Variants in SPAG17 observed in about 807,000 individuals in gnomAD.
SPAG17 encodes sperm associated antigen 17.
A neutral mutation model predicts 273.6 loss-of-function variants in SPAG17; 169 were observed. The ratio of observed to expected loss-of-function variants is 0.62; its 90% CI spans 0.55 to 0.70. The LOEUF is 0.70. SPAG17 is among the 30% of genes least tolerant of loss of function. The probability of loss-of-function intolerance (pLI) is 0.00; values close to 1 mark genes in which losing one functional copy is unlikely to be tolerated. For synonymous variants in SPAG17, 825 were observed against 873.2 expected (o/e 0.94, Z 0.97); for missense variants, 2,557 against 2,627.8 (o/e 0.97, Z 0.59).
At chr1:118,160,054 A>G (rs1354356466) in intron 1 of SPAG17, among the ~76,000 whole-genome samples, 4 of 152,196 alleles carry the variant, frequency 2.6e-5, no homozygotes, top group Non-Finnish European at 5.9e-5. Flanking sequence ...CATATCAGAG[A>G]CATTCTTCTA....
At chr1:117,988,407 C>G (rs1656681486) in intron 38 of SPAG17, among the ~76,000 whole-genome samples, 1 of 152,158 alleles carries the variant, frequency 6.6e-6, no homozygotes, top group African/African-American at 2.4e-5. Flanking sequence ...AAACACACAA[C>G]TTATAGTCAA....
chr1:118,086,809 T>C lies in SPAG17; in HGVS notation c.1498-25A>G, dbSNP rs780922782. ...TCTATGCAAATTGAAACAATATTGA[T>C]TTAAAGAGAGGATCTATACTTTTCC... is the stretch of plus-strand genomic sequence containing the variant. On this transcript the variant is annotated intron_variant, in intron 11 of 48. Transcript: ENST00000336338. 1.5e-5 allele frequency: 25 copies of C among 1,613,936 alleles called. No homozygotes were observed. The East Asian group carries it at 4.9e-4, about 32-fold the overall frequency.
At chr1:117,985,513 T>A (rs1165077556) in intron 40 of SPAG17, among the ~76,000 whole-genome samples, 1 of 152,196 alleles carries the variant, frequency 6.6e-6, no homozygotes, top group Non-Finnish European at 1.5e-5. Context: ...AATGATGTAC[T>A]AAGAATGATG....
At chr1:118,049,964 C>A (rs112632241) in intron 20 of SPAG17, among the ~76,000 whole-genome samples, 2 of 152,220 alleles carry the variant, frequency 1.3e-5, no homozygotes, top group East Asian at 3.9e-4. Flanking sequence ...AGCTTCCCAG[C>A]GAGACCTCAG....
At position 118,125,230 on chromosome 1, in the gene SPAG17, C is replaced by CATATATATAT. The variant is rs564502550; in HGVS notation, c.316-9799_316-9790dup. Among the ~76,000 whole-genome samples, 59 of 141,316 alleles carry CATATATATAT rather than the reference C, an allele frequency of 4.2e-4. 1 individual carries two copies. The highest frequency in any genetic ancestry group is 1.6e-3 in the African/African-American group (54 of 33,694). The allele number at this position is 141,316 out of a possible 152,430, so 92.7% of individuals were successfully genotyped here. On this transcript the variant is annotated intron_variant, in intron 3 of 48. Transcript: ENST00000336338. ...AATTTGTATTATTTTTTATTGTATTCATATATATATATATATTTTTGACAT... is the reference window on the plus strand; with the variant it reads ...AATTTGTATTATTTTTTATTGTATTCATATATATATATATATATATATATATTTTTGACAT...
intron 30 of SPAG17, among the ~76,000 whole-genome samples, chr1:118,008,464 A>G (rs1159109584): frequency 6.6e-6 from 1 of 152,210 alleles, no homozygotes; most frequent in Non-Finnish European, 1.5e-5. Flanking sequence ...GGAGTTGAGA[A>G]CATCTGATTT....
chr1:118,154,345 G>A (rs1659540301), intron 1 of SPAG17, among the ~76,000 whole-genome samples: 1 of 152,190 alleles, frequency 6.6e-6, no homozygotes, highest in South Asian at 2.1e-4. Flanking sequence ...AAACATGACA[G>A]GGACCAGTCA....
chr1:117,999,636 T>C (rs1055773737), intron 32 of SPAG17, among the ~76,000 whole-genome samples: 2 of 152,242 alleles, frequency 1.3e-5, no homozygotes, highest in Non-Finnish European at 2.9e-5. Flanking sequence ...TTTTGAGAAG[T>C]GTCTGTTCAT....
chr1:118,178,096 C>T (rs1660777880), intron 1 of SPAG17, among the ~76,000 whole-genome samples: 1 of 151,984 alleles, frequency 6.6e-6, no homozygotes, highest in Non-Finnish European at 1.5e-5. Flanking sequence ...ATACCAAAAC[C>T]ACATAAAGAA....
In SPAG17 at chr1:118,066,885, G is replaced by T. The variant is rs1430935614; in HGVS notation, c.2400C>A (p.Ala800=). ...AATCAACACACCTATATTGCTTATG[G>T]GCTTCTTGAAGGACCTGAAAATCAA... ...PKVLLQVLQE[A]HKQYRCVDSY... Residue 800 remains alanine, a synonymous_variant, in exon 18 of 49, where the codon GCC becomes GCA. Transcript: ENST00000336338. The T allele has an allele frequency of 6.2e-7, 1 of 1,602,192 alleles. No individual in the cohort carries two copies. The highest frequency in any genetic ancestry group is 1.8e-5 in the Admixed American group (1 of 56,818).
chr1:118,030,168 G>A (rs1216746800), intron 25 of SPAG17, among the ~76,000 whole-genome samples: 3 of 152,044 alleles, frequency 2.0e-5, no homozygotes, highest in Admixed American at 6.6e-5. Flanking sequence ...CAAGAGTCAA[G>A]GGGCCTGGCA....
intron 1 of SPAG17, among the ~76,000 whole-genome samples, chr1:118,173,212 C>G (rs1299714733): frequency 6.6e-6 from 1 of 151,892 alleles, no homozygotes; most frequent in Non-Finnish European, 1.5e-5. Flanking sequence ...AATGACCAAT[C>G]AAGAAAATTC....
chr1:118,157,368 A>C (rs1228881218), intron 1 of SPAG17, among the ~76,000 whole-genome samples: 1 of 152,184 alleles, frequency 6.6e-6, no homozygotes, highest in African/African-American at 2.4e-5. Flanking sequence ...TCTATAATTA[A>C]GAGTCTGCTG....
At chr1:118,141,129 G>A (rs1658657317) in intron 3 of SPAG17, among the ~76,000 whole-genome samples, 2 of 152,088 alleles carry the variant, frequency 1.3e-5, no homozygotes. Flanking sequence ...TTGTTTGCTT[G>A]TTTTGAGTTT....
In SPAG17 at chr1:118,124,381, G is replaced by C. The variant is rs978506829; in HGVS notation, c.316-8940C>G. On this transcript the variant is annotated intron_variant, in intron 3 of 48. Transcript: ENST00000336338. The stretch of plus-strand genomic sequence containing the variant: ...TGTATTAAAATTATTTGTGCACAGG[G>C]TTTGTCTCCTCTACTAGCTTGGAAG... Among the ~76,000 whole-genome samples the C allele has an allele frequency of 4.6e-5, 7 of 152,198 alleles. 2 individuals carry two copies. Among genetic ancestry groups the C allele is most frequent in the Admixed American group, 4.6e-4 (7 of 15,280 alleles).
In SPAG17 at chr1:118,150,538, C is replaced by G; in HGVS notation, c.315+5G>C. 1 of 1,498,484 alleles carries G rather than the reference C, an allele frequency of 6.7e-7. No homozygotes were observed. Among genetic ancestry groups the G allele is most frequent in the Non-Finnish European group, 9.1e-7 (1 of 1,098,526 alleles). 92.8% of individuals were successfully genotyped at this position (1,498,484 alleles called of 1,614,324 possible). On this transcript the variant is annotated splice_donor_5th_base_variant and intron_variant, in intron 3 of 48. Coordinates refer to ENST00000336338, the MANE Select transcript of SPAG17 (RefSeq NM_206996.4). ...AAAATATCTTCTATAAACACTTTCACTTACCTCATAATATAAAGGAGCATT... is the reference window on the plus strand; with the variant it reads ...AAAATATCTTCTATAAACACTTTCAGTTACCTCATAATATAAAGGAGCATT...
At chr1:117,991,836 AT>A (rs775872003) in intron 36 of SPAG17, among the ~76,000 whole-genome samples, 1 of 152,166 alleles carries the variant, frequency 6.6e-6, no homozygotes. Context: ...ATTGGGTTAG[AT>A]GATGTGTAGG....
chr1:117,999,724 C>T lies in SPAG17; in HGVS notation c.4777-2981G>A, dbSNP rs531189303. ...GTTCTTTGTAGATTCTGGATATTAG[C>T]CCTTTGTCAGATGAGTAGATTGCAA... On this transcript the variant is annotated intron_variant, in intron 32 of 48. Transcript: ENST00000336338. Among the ~76,000 whole-genome samples the T allele has an allele frequency of 3.3e-5, 5 of 152,092 alleles. 1 individual carries two copies. The South Asian group carries it at 1.0e-3, about 32-fold the overall frequency.
At chr1:118,150,697 C>G in intron 2 of SPAG17, 68 bp from the exon 3 acceptor site, 2 of 875,578 alleles carry the variant, frequency 2.3e-6, no homozygotes, top group Non-Finnish European at 3.6e-6. Flanking sequence ...ATATATGTAA[C>G]TTTCAAATAT....
Sources: allele counts gnomAD v4.1 joint callset (sites outside exome capture counted in the v4.1 genomes callset), GRCh38; gene constraint gnomAD v4.1.1; transcripts MANE v1.5; gene names NCBI Gene and HGNC (gene_info 2026-07-23, HGNC 2026-07-21).